RASGRP3: variants seen among roughly 807,000 people sequenced by gnomAD.
The protein encoded by RASGRP3 is RAS guanyl releasing protein 3.
A neutral mutation model predicts 82.7 loss-of-function variants in RASGRP3; 54 were observed. That is an observed-to-expected ratio of 0.65 (90% CI 0.52 to 0.82). RASGRP3 has a LOEUF of 0.82. Among genes scored for constraint, RASGRP3 ranks in the 40% least tolerant of loss-of-function variants. RASGRP3 has a pLI of 0.00. For synonymous variants in RASGRP3, 309 were observed against 300.5 expected (o/e 1.03, Z -0.29); for missense variants, 861 against 828.9 (o/e 1.04, Z -0.48).
At chr2:33,461,988 A>G (rs977109131) in intron 2 of RASGRP3, among the ~76,000 whole-genome samples, 3 of 152,372 alleles carry the variant, frequency 2.0e-5, no homozygotes, top group East Asian at 1.9e-4. Flanking sequence ...CAGGACTTGC[A>G]GTTAGCTAGC....
chr2:33,441,615 A>C (rs1242568431), intron 1 of RASGRP3, among the ~76,000 whole-genome samples: 3 of 152,260 alleles, frequency 2.0e-5, no homozygotes, highest in Non-Finnish European at 4.4e-5. Context: ...TGAATAGAAC[A>C]GTTTTAGATT....
intron 7 of RASGRP3, 41 bp from the exon 8 acceptor site, chr2:33,523,838 G>T (rs374237160): frequency 1.3e-6 from 2 of 1,512,812 alleles, no homozygotes; most frequent in Admixed American, 2.0e-5. Flanking sequence ...TTTTACAAAG[G>T]CTCTATTATA....
At chr2:33,474,756 C>T (rs537105470), upstream of RASGRP3, among the ~76,000 whole-genome samples, 15 of 152,372 alleles carry the variant, frequency 9.8e-5, no homozygotes, top group African/African-American at 3.6e-4. Flanking sequence ...ATGCCAGTAT[C>T]ATGCTTCCTC....
chr2:33,539,408 G>T, intron 12 of RASGRP3, 198 bp downstream of exon 12: 1 of 517,344 alleles, frequency 1.9e-6, no homozygotes. Context: ...TCCCTTTGTT[G>T]TCTCTCTTGC....
chr2:33,471,341 A>ATTTT (rs70940204), intron 2 of RASGRP3, among the ~76,000 whole-genome samples: 1,212 of 106,644 alleles, frequency 0.011, 4 homozygotes, highest in Non-Finnish European at 0.015. Flanking sequence ...ACACTGGGCT[A>ATTTT]TTTTTTTTTT....
chr2:33,557,289 C>T (rs79038619), intron 15 of RASGRP3, among the ~76,000 whole-genome samples: 2,767 of 152,230 alleles, frequency 0.018, 95 homozygotes, highest in African/African-American at 0.064. Flanking sequence ...CTCTGCTGCA[C>T]GCTGTTTCAA....
rs369028936 is a variant in RASGRP3 at position 33,522,027 on chromosome 2, G to C, written c.441G>C (p.Leu147=). Residue 147 remains leucine, a synonymous_variant, in exon 7 of 18, where the codon CTG becomes CTC. Coordinates refer to ENST00000403687, the MANE Select transcript of RASGRP3 (RefSeq NM_001139488.2). ...KVSKKGKACL[L]FDHLEPIELA... ...CCAAGAAGGGAAAAGCCTGTCTGCT[G>C]TTTGACCATCTGGAGCCCATTGAAT... is the stretch of plus-strand genomic sequence containing the variant. 9 of 1,613,814 alleles carry C rather than the reference G, an allele frequency of 5.6e-6. No individual in the cohort carries two copies. The highest frequency in any genetic ancestry group is 1.7e-5 in the Admixed American group (1 of 59,996).
intron 12 of RASGRP3, chr2:33,539,901 T>C (rs963132389): frequency 6.6e-6 from 1 of 150,444 alleles, no homozygotes; most frequent in Non-Finnish European, 1.5e-5. Flanking sequence ...GGCAGGAGAA[T>C]GGAGTGAACC....
intron 17 of RASGRP3, among the ~76,000 whole-genome samples, chr2:33,560,330 G>GT (rs1437239653): frequency 2.6e-5 from 4 of 152,062 alleles, no homozygotes; most frequent in Non-Finnish European, 4.4e-5. Flanking sequence ...CTTGACAACT[G>GT]TATCAGTCCT....
At chr2:33,537,321 C>CACA (rs1553359083) in intron 11 of RASGRP3, among the ~76,000 whole-genome samples, 12,276 of 102,786 alleles carry the variant, frequency 0.12, 1,369 homozygotes, top group Non-Finnish European at 0.15. Context: ...CACACACACA[C>CACA]CGCCCCCCCC....
intron 1 of RASGRP3, among the ~76,000 whole-genome samples, chr2:33,480,860 A>G (rs1429521262): frequency 6.6e-6 from 1 of 152,136 alleles, no homozygotes; most frequent in Non-Finnish European, 1.5e-5. Context: ...TGATTATTAT[A>G]GCTTCAGAGT....
At chr2:33,546,353 G>A (rs1330861180) in intron 13 of RASGRP3, among the ~76,000 whole-genome samples, 1 of 151,374 alleles carries the variant, frequency 6.6e-6, no homozygotes, top group Admixed American at 6.6e-5. Flanking sequence ...AACCCGCGAG[G>A]CGGAGCTTGC....
chr2:33,523,916 T>C lies in RASGRP3; in HGVS notation c.554T>C (p.Leu185Pro). 6.2e-7 allele frequency: 1 copy of C among 1,613,720 alleles called. No homozygotes were observed. The highest frequency in any genetic ancestry group is 2.2e-5 in the East Asian group (1 of 44,882). The stretch of plus-strand genomic sequence containing the variant: ...CAAAGCTATGTCATCCATGGCTGCC[T>C]GGAGAATAATCCAACCTTGGAAAGA... ...DYQSYVIHGCLENNPTLERSI... is the reference protein window; with the variant it reads ...DYQSYVIHGCPENNPTLERSI... The change falls in exon 8 of 18, where the codon CTG (leucine) becomes CCG (proline). Residue 185 changes from leucine (L) to proline (P), a missense_variant. Physicochemically the swap from Leu to Pro is moderately conservative, Grantham distance 98. Coordinates refer to ENST00000403687, the MANE Select transcript of RASGRP3 (RefSeq NM_001139488.2).
intron 3 of RASGRP3, 34 bp from the exon 4 acceptor site, chr2:33,516,508 T>TA: frequency 7.1e-7 from 1 of 1,403,508 alleles, no homozygotes; most frequent in Non-Finnish European, 9.9e-7. Flanking sequence ...ATAGCACTAT[T>TA]ATCTCCTCAC....
At chr2:33,506,760 G>C (rs1410561316) in intron 1 of RASGRP3, among the ~76,000 whole-genome samples, 1 of 152,140 alleles carries the variant, frequency 6.6e-6, no homozygotes, top group Admixed American at 6.5e-5. Flanking sequence ...CCTTCCTACT[G>C]TCATTGTTAA....
intron 17 of RASGRP3, chr2:33,559,757 A>T (rs1311845177): frequency 9.5e-6 from 4 of 418,894 alleles, no homozygotes; most frequent in Non-Finnish European, 1.9e-5. Flanking sequence ...ACCCTGTCGA[A>T]TTGTTCTCAT....
rs1248120655 is a variant in RASGRP3, at chr2:33,456,904, A to T, written c.-261+8961A>T. ...CCAGGCATTGTGCTAAGTGCTTTCTATTTTTTTTTTTTTTTTTGAGATGGA... is the reference window on the plus strand; with the variant it reads ...CCAGGCATTGTGCTAAGTGCTTTCTTTTTTTTTTTTTTTTTTTGAGATGGA... On this transcript the variant is annotated intron_variant, in intron 2 of 18. Transcript: ENST00000402538. 4.3e-4 allele frequency among the ~76,000 whole-genome samples: 58 copies of T among 134,698 alleles called. No homozygotes were observed. In the East Asian group the frequency reaches 8.6e-3, roughly 20 times the overall value. 88.4% of individuals were successfully genotyped at this position (134,698 alleles called of 152,430 possible). A position where few individuals can be genotyped will look rare whatever the true frequency, so the allele number is the denominator to read the frequency against.
Position 33,516,537 on chromosome 2 carries a change from A to G in RASGRP3, c.71-5A>G, listed in dbSNP as rs2151012460. 1 of 1,530,674 alleles carries G rather than the reference A, an allele frequency of 6.5e-7. No homozygotes were observed. The highest frequency in any genetic ancestry group is 2.3e-5 in the East Asian group (1 of 43,822). 94.8% of individuals were successfully genotyped at this position (1,530,674 alleles called of 1,614,324 possible). A position where few individuals can be genotyped will look rare whatever the true frequency, so the allele number is the denominator to read the frequency against. Reference sequence around the variant, plus strand: ...TCCTCACTTCTTGTTTTATTTTTCTAACAGATGACAATGGAGAGCTGGATA... The same window carrying G: ...TCCTCACTTCTTGTTTTATTTTTCTGACAGATGACAATGGAGAGCTGGATA... On this transcript the variant is annotated splice_polypyrimidine_tract_variant and splice_region_variant and intron_variant, in intron 3 of 17. Coordinates refer to ENST00000403687, the MANE Select transcript of RASGRP3 (RefSeq NM_001139488.2).
intron 13 of RASGRP3, among the ~76,000 whole-genome samples, chr2:33,545,725 A>G (rs563874297): frequency 6.6e-6 from 1 of 152,342 alleles, no homozygotes; most frequent in Non-Finnish European, 1.5e-5. Context: ...AAAGCTCAAT[A>G]TCACTGATAA....
Sources: allele counts gnomAD v4.1 joint callset (sites outside exome capture counted in the v4.1 genomes callset), GRCh38; gene constraint gnomAD v4.1.1; transcripts MANE v1.5; gene names NCBI Gene and HGNC (gene_info 2026-07-23, HGNC 2026-07-21).